The following PLCG2 variants were observed in gnomAD, a reference collection of about 807,000 sequenced individuals.
PLCG2 encodes the protein phospholipase C gamma 2.
In PLCG2, 69 loss-of-function variants were observed where a neutral mutation model predicts 175.6. The ratio of observed to expected loss-of-function variants is 0.39; its 90% CI spans 0.32 to 0.48. The LOEUF is 0.48. PLCG2 is among the 20% of genes least tolerant of loss of function. The pLI, the probability that PLCG2 is intolerant of heterozygous loss-of-function variation, is 0.91. For missense variants in PLCG2, 1,798 were observed against 1,650.9 expected (o/e 1.09, Z -1.54); for synonymous variants, 827 against 624.0 (o/e 1.33, Z -4.85).
chr16:81,769,078 C>T (rs1482673279), intron 2 of PLCG2, among the ~76,000 whole-genome samples: 1 of 152,144 alleles, frequency 6.6e-6, no homozygotes, highest in Admixed American at 6.5e-5. Flanking sequence ...GAATGAATTT[C>T]TTGACTGCAT....
intron 7 of PLCG2, 44 bp from the exon 8 acceptor site, chr16:81,880,866 G>T: frequency 6.3e-7 from 1 of 1,592,606 alleles, no homozygotes; most frequent in South Asian, 1.1e-5. Context: ...TGCATTAAGT[G>T]ACTTGTCTAA....
intron 12 of PLCG2, chr16:81,895,559 TAAA>T (rs775242910): frequency 2.0e-4 from 71 of 359,872 alleles, no homozygotes; most frequent in South Asian, 3.8e-4. Context: ...GACTCTGTCT[TAAA>T]AAAAAAAAAA....
intron 27 of PLCG2, 101 bp downstream of exon 27, chr16:81,936,479 A>G: frequency 2.2e-6 from 2 of 915,014 alleles, no homozygotes; most frequent in Non-Finnish European, 3.5e-6. Context: ...GTGTCCAAGA[A>G]TGAGTGATTT....
At chr16:81,844,293 A>C (rs1038329672) in intron 2 of PLCG2, among the ~76,000 whole-genome samples, 12 of 138,664 alleles carry the variant, frequency 8.7e-5, no homozygotes, top group African/African-American at 3.3e-4. Flanking sequence ...GCGCCCGGGC[A>C]CCTTTTCATT....
intron 2 of PLCG2, among the ~76,000 whole-genome samples, chr16:81,769,681 G>A (rs1053991448): frequency 3.3e-5 from 5 of 151,300 alleles, no homozygotes; most frequent in Non-Finnish European, 4.5e-5. Flanking sequence ...TTAGCCGGGC[G>A]TAGTGGCGGG....
chr16:81,955,510 G>C (rs1464780613), intron 31 of PLCG2, among the ~76,000 whole-genome samples: 1 of 152,250 alleles, frequency 6.6e-6, no homozygotes, highest in East Asian at 1.9e-4. Context: ...AGTGGCTTTT[G>C]TCTTTTTTTC....
chr16:81,854,405 A>G, intron 2 of PLCG2, 39 bp from the exon 3 acceptor site: 1 of 1,601,330 alleles, frequency 6.2e-7, no homozygotes, highest in Non-Finnish European at 8.6e-7. Flanking sequence ...GGTGGAGGGA[A>G]CTCCAGCTTC....
In PLCG2 at chr16:81,956,862, G is replaced by A. The variant is rs912000542; in HGVS notation, c.3738G>A (p.Gln1246=). 1.9e-6 allele frequency: 3 copies of A among 1,613,638 alleles called. No individual in the cohort carries two copies. The highest frequency in any genetic ancestry group is 2.2e-5 in the East Asian group (1 of 44,864). ...SVNENQLQLY[Q]EKCNKRLREK... ...ATGAGAACCAGCTCCAGCTGTACCA[G>A]GAGAAATGCAACAAGAGGTAGGTCA... Residue 1246 remains glutamine, a synonymous_variant, in exon 32 of 33, where the codon CAG becomes CAA. Coordinates refer to ENST00000564138, the MANE Select transcript of PLCG2 (RefSeq NM_002661.5).
At chr16:81,863,468 G>A (rs1437565950) in intron 5 of PLCG2, among the ~76,000 whole-genome samples, 1 of 152,174 alleles carries the variant, frequency 6.6e-6, no homozygotes, top group African/African-American at 2.4e-5. Flanking sequence ...CACTTGAGTT[G>A]CTTCCACGTT....
chr16:81,890,860 T>C (rs1294149376), intron 10 of PLCG2, among the ~76,000 whole-genome samples: 2 of 152,218 alleles, frequency 1.3e-5, no homozygotes, highest in Admixed American at 6.5e-5. Context: ...GCTACTATTA[T>C]GCTTTAAATT....
chr16:81,774,514 G>A (rs1255024636), upstream of PLCG2, among the ~76,000 whole-genome samples: 1 of 152,172 alleles, frequency 6.6e-6, no homozygotes, highest in East Asian at 1.9e-4. Flanking sequence ...GCCAGCAGCT[G>A]GGACTCGGCT....
chr16:81,773,991 G>T (rs934129384), intron 2 of PLCG2, among the ~76,000 whole-genome samples: 4 of 151,726 alleles, frequency 2.6e-5, no homozygotes, highest in African/African-American at 9.7e-5. Context: ...AATGTTTGTT[G>T]AATGAATAAA....
At chr16:81,907,872 G>A in intron 16 of PLCG2, 98 bp downstream of exon 16, 2 of 794,278 alleles carry the variant, frequency 2.5e-6, no homozygotes, top group East Asian at 2.6e-5. Flanking sequence ...TCTCTGGCCG[G>A]CTGGCAAGGG....
intron 19 of PLCG2, among the ~76,000 whole-genome samples, chr16:81,918,603 C>G (rs1567532388): frequency 6.6e-6 from 1 of 152,108 alleles, no homozygotes; most frequent in Non-Finnish European, 1.5e-5. Flanking sequence ...TTCCACTGGT[C>G]TGTGTGTCTG....
intron 31 of PLCG2, among the ~76,000 whole-genome samples, 184 bp from the exon 32 acceptor site, chr16:81,956,511 A>G (rs1240716796): frequency 1.3e-5 from 2 of 152,198 alleles, no homozygotes; most frequent in Non-Finnish European, 2.9e-5. Context: ...CTTGCTTCCC[A>G]CACAATAAAT....
At chr16:81,915,321 G>C (rs1339964703) in intron 19 of PLCG2, among the ~76,000 whole-genome samples, 2 of 152,190 alleles carry the variant, frequency 1.3e-5, no homozygotes, top group African/African-American at 4.8e-5. Context: ...GATGTGTAAT[G>C]AACTTCTGGA....
chr16:81,957,740 A>G (rs1051615917), intron 32 of PLCG2, among the ~76,000 whole-genome samples: 1 of 152,152 alleles, frequency 6.6e-6, no homozygotes, highest in Non-Finnish European at 1.5e-5. Context: ...GTCAGCCTGC[A>G]GAGTAGCTCT....
intron 2 of PLCG2, among the ~76,000 whole-genome samples, chr16:81,821,912 C>G (rs942892731): frequency 4.0e-5 from 6 of 151,586 alleles, no homozygotes; most frequent in African/African-American, 1.2e-4. Context: ...GAGAGCCAGA[C>G]AGGCCTGGGG....
In PLCG2 at chr16:81,961,117, A is replaced by G. The variant is rs1307335853; in HGVS notation, c.*3119A>G. 1 of 231,352 alleles carries G rather than the reference A, an allele frequency of 4.3e-6. No individual in the cohort carries two copies. Among genetic ancestry groups the G allele is most frequent in the Non-Finnish European group, 8.6e-6 (1 of 116,890 alleles). The allele number at this position is 231,352 out of a possible 1,614,324, so 14.3% of individuals were successfully genotyped here. A position where few individuals can be genotyped will look rare whatever the true frequency, so the allele number is the denominator to read the frequency against. Reference sequence around the variant, plus strand: ...TGGTTCCAAATTTTTTGCTTTCAACAAAGTGGGAGGAACAGCCTGTAGATT... The same window carrying G: ...TGGTTCCAAATTTTTTGCTTTCAACGAAGTGGGAGGAACAGCCTGTAGATT... On this transcript the variant is annotated 3_prime_UTR_variant, in exon 33 of 33. Coordinates refer to ENST00000564138, the MANE Select transcript of PLCG2 (RefSeq NM_002661.5).
Sources: gnomAD v4.1 joint callset for allele counts (sites outside exome capture counted in the v4.1 genomes callset) on GRCh38, gnomAD v4.1.1 for gene constraint, MANE v1.5 for transcripts, NCBI Gene and HGNC (gene_info 2026-07-23, HGNC 2026-07-21) for gene names.